Variants in EPC1 observed in about 807,000 individuals in gnomAD.
EPC1 encodes the protein enhancer of polycomb 1, also known as enhancer of polycomb homolog 1.
Under a neutral mutation model 98.4 loss-of-function variants are expected in EPC1, and 12 were observed. That is an observed-to-expected ratio of 0.12 (90% CI 0.08 to 0.20). The LOEUF is 0.20. Ranked by LOEUF, EPC1 falls within the 10% of genes least tolerant of loss-of-function variation. The pLI is 1.00. For synonymous variants in EPC1, 357 were observed against 363.9 expected (o/e 0.98, Z 0.21); for missense variants, 729 against 990.5 (o/e 0.74, Z 3.54).
intron 1 of EPC1, among the ~76,000 whole-genome samples, chr10:32,312,050 A>G (rs368213704): frequency 1.3e-5 from 2 of 152,194 alleles, no homozygotes; most frequent in East Asian, 3.8e-4. Context: ...AAGCAAAACC[A>G]TGGATGATGG....
chr10:32,299,874 T>C (rs1835390122), intron 2 of EPC1, among the ~76,000 whole-genome samples: 1 of 152,188 alleles, frequency 6.6e-6, no homozygotes. Context: ...CTGATGATTC[T>C]AGTATGATCC....
intron 1 of EPC1, among the ~76,000 whole-genome samples, chr10:32,325,335 T>C (rs984039946): frequency 6.6e-6 from 1 of 152,216 alleles, no homozygotes; most frequent in Non-Finnish European, 1.5e-5. Flanking sequence ...TTACAACACA[T>C]ACCTCACCCC....
Position 32,318,275 on chromosome 10 carries a change from G to A in EPC1, c.154-12344C>T, listed in dbSNP as rs12246404. On this transcript the variant is annotated intron_variant, in intron 1 of 13. Coordinates refer to ENST00000319778, the MANE Select transcript of EPC1 (RefSeq NM_001272004.3). ...ATTTCTATGCCTCCAAAACAGCCCC[G>A]AGAGCAGTAAAATACAGATACAAAT... Among the ~76,000 whole-genome samples the A allele has an allele frequency of 3.7e-3, 566 of 152,116 alleles. 2 individuals are homozygous for A. The highest frequency in any genetic ancestry group is 0.013 in the African/African-American group (524 of 41,492).
intron 5 of EPC1, 74 bp downstream of exon 5, chr10:32,292,422 G>A: frequency 9.2e-7 from 1 of 1,084,106 alleles, no homozygotes; most frequent in Non-Finnish European, 1.3e-6. Context: ...TTATTGCATA[G>A]GAAATAAATT....
Position 32,268,842 on chromosome 10 carries a change from C to A in EPC1, c.*221G>T, listed in dbSNP as rs1478843415. 3 of 424,836 alleles carry A rather than the reference C, an allele frequency of 7.1e-6. No homozygotes were observed. Among genetic ancestry groups the A allele is most frequent in the Non-Finnish European group, 1.3e-5 (3 of 234,614 alleles). 26.3% of individuals were successfully genotyped at this position (424,836 alleles called of 1,614,324 possible). A position where few individuals can be genotyped will look rare whatever the true frequency, so the allele number is the denominator to read the frequency against. On this transcript the variant is annotated 3_prime_UTR_variant, in exon 14 of 14. Transcript: ENST00000319778. Reference sequence around the variant, plus strand: ...ACAAGGGTATTACAAATATGCAGTACTGTACAGATAATTGCTGTATTCTTA... The same window carrying A: ...ACAAGGGTATTACAAATATGCAGTAATGTACAGATAATTGCTGTATTCTTA...
intron 1 of EPC1, among the ~76,000 whole-genome samples, chr10:32,317,256 T>A (rs1234004172): frequency 6.6e-6 from 1 of 152,242 alleles, no homozygotes; most frequent in Non-Finnish European, 1.5e-5. Flanking sequence ...AATAAATACT[T>A]ATTTAATAAA....
rs565712986 is a variant in EPC1, at chr10:32,319,024, T to C, written c.154-13093A>G. On this transcript the variant is annotated intron_variant, in intron 1 of 13. Transcript: ENST00000319778. ...CCTGAATTTCCTAATCCACCTAGAA[T>C]AAGCATCTAATAGAACTTTCTAGTA... Among the ~76,000 whole-genome samples, 4 of 152,326 alleles carry C rather than the reference T, an allele frequency of 2.6e-5. No homozygotes were observed. The South Asian group carries it at 8.3e-4, about 32-fold the overall frequency.
rs769877669 is a variant in EPC1 at position 32,284,863 on chromosome 10, G to A, written c.1579C>T (p.Arg527Trp). ...GATGGTGTCCGAGGCCTAAAATGCCGCCATCTACATGATTTGATATTGACT... is the reference window on the plus strand; with the variant it reads ...GATGGTGTCCGAGGCCTAAAATGCCACCATCTACATGATTTGATATTGACT... ...ILVNIKSCRWRHFRPRTPSLH... is the reference protein window; with the variant it reads ...ILVNIKSCRWWHFRPRTPSLH... The change falls in exon 10 of 14, where the codon CGG becomes TGG. Residue 527 changes from arginine (R) to tryptophan (W), a missense_variant. This residue lies in a region of EPC1 where 390 missense variants were observed against 438.6 expected (regional missense o/e 0.89). Transcript: ENST00000319778. The A allele has an allele frequency of 1.6e-5, 26 of 1,613,994 alleles. No homozygotes were observed. Among genetic ancestry groups the A allele is most frequent in the Non-Finnish European group, 1.9e-5 (22 of 1,180,016 alleles).
At position 32,273,189 on chromosome 10, in the gene EPC1, T is replaced by A; in HGVS notation, c.1837A>T (p.Ser613Cys). 1 of 1,614,176 alleles carries A rather than the reference T, an allele frequency of 6.2e-7. No homozygotes were observed. The highest frequency in any genetic ancestry group is 1.3e-5 in the African/African-American group (1 of 75,056). Residue 613 changes from serine to cysteine, a missense_variant, in exon 11 of 14, where the codon AGT (serine) becomes TGT (cysteine). Ser to Cys is a moderately radical substitution (Grantham distance 112). Transcript: ENST00000319778. ...TGTGATGTGTTGGTGGAGGAATTAC[T>A]ATTTGCTTGCTGTTGCTGAATTTGT... ...LAQIQQQQAN[S>C]NSSTNTSQGF...
intron 1 of EPC1, among the ~76,000 whole-genome samples, chr10:32,365,713 G>T (rs781653095): frequency 6.8e-6 from 1 of 147,998 alleles, no homozygotes; most frequent in Non-Finnish European, 1.5e-5. Flanking sequence ...CTGCTATTTG[G>T]GGGGCCGAGG....
chr10:32,351,905 A>G (rs1281765217), upstream of EPC1, among the ~76,000 whole-genome samples: 1 of 132,266 alleles, frequency 7.6e-6, no homozygotes, highest in African/African-American at 2.8e-5. Flanking sequence ...TAATTTTTGT[A>G]TTTTTTTTAG....
At chr10:32,318,800 TGCA>T (rs1476746354) in intron 1 of EPC1, among the ~76,000 whole-genome samples, 1 of 152,234 alleles carries the variant, frequency 6.6e-6, no homozygotes, top group Non-Finnish European at 1.5e-5. Context: ...CCACAGTTCG[TGCA>T]GCAAGTGGCC....
intron 1 of EPC1, among the ~76,000 whole-genome samples, chr10:32,373,906 G>A (rs893917039): frequency 1.1e-4 from 16 of 152,156 alleles, no homozygotes; most frequent in Non-Finnish European, 2.1e-4. Context: ...GCCACTATCA[G>A]TAGGGTTCTA....
At position 32,271,891 on chromosome 10, in the gene EPC1, T is replaced by C. The variant is rs1259458467; in HGVS notation, c.2032A>G (p.Ser678Gly). 6.2e-7 allele frequency: 1 copy of C among 1,614,112 alleles called. No individual in the cohort carries two copies. The highest frequency in any genetic ancestry group is 8.5e-7 in the Non-Finnish European group (1 of 1,179,978). ...SGVYKGLHLSSTTPTALVHTS... is the reference protein window; with the variant it reads ...SGVYKGLHLSGTTPTALVHTS... ...TGTACAAGTGCTGTTGGTGTAGTAC[T>C]ACTGAGGTGTAAGCCCTTGTATACT... Residue 678 changes from serine (S) to glycine (G), a missense_variant, in exon 13 of 14, where the codon AGT (serine) becomes GGT (glycine). Ser to Gly is a moderately conservative substitution (Grantham distance 56). Coordinates refer to ENST00000319778, the MANE Select transcript of EPC1 (RefSeq NM_001272004.3).
At chr10:32,346,513 G>GC in intron 1 of EPC1, 1 of 499,694 alleles carries the variant, frequency 2.0e-6, no homozygotes, top group Non-Finnish European at 3.6e-6. Context: ...TGCCTTTCGG[G>GC]CCCCCGAACT....
chr10:32,367,667 G>T (rs957218833), intron 1 of EPC1, among the ~76,000 whole-genome samples: 1 of 152,042 alleles, frequency 6.6e-6, no homozygotes, highest in South Asian at 2.1e-4. Context: ...ATGCAAAATC[G>T]TAAAGTCATA....
chr10:32,347,062 C>T lies in EPC1; in HGVS notation c.-147G>A, dbSNP rs1340292307. Reference sequence around the variant, plus strand: ...GAGCCCGCCGTCCGGGCACTAACACCAGCCGGGAGGGTGGGAGGCTGTGCC... The same window carrying T: ...GAGCCCGCCGTCCGGGCACTAACACTAGCCGGGAGGGTGGGAGGCTGTGCC... On this transcript the variant is annotated 5_prime_UTR_variant, in exon 1 of 14. Transcript: ENST00000319778. 6.8e-5 allele frequency: 99 copies of T among 1,458,630 alleles called. No individual in the cohort carries two copies. Among genetic ancestry groups the T allele is most frequent in the Non-Finnish European group, 8.7e-5 (97 of 1,111,570 alleles). The allele number at this position is 1,458,630 out of a possible 1,614,324, so 90.4% of individuals were successfully genotyped here.
intron 1 of EPC1, among the ~76,000 whole-genome samples, chr10:32,341,064 C>T (rs577477850): frequency 6.6e-6 from 1 of 152,108 alleles, no homozygotes; most frequent in Non-Finnish European, 1.5e-5. Context: ...CTTTTTATTC[C>T]TGAATTACAA....
intron 13 of EPC1, among the ~76,000 whole-genome samples, chr10:32,270,860 G>A (rs1345581340): frequency 7.0e-6 from 1 of 142,174 alleles, no homozygotes; most frequent in African/African-American, 2.6e-5. Context: ...GAATAGCTTA[G>A]CATACCAGTG....
Sources: allele counts gnomAD v4.1 joint callset (sites outside exome capture counted in the v4.1 genomes callset), GRCh38; gene constraint gnomAD v4.1.1; regional missense constraint gnomAD v4.1.1; transcripts MANE v1.5; gene names NCBI Gene and HGNC (gene_info 2026-07-23, HGNC 2026-07-21).